The following ZSCAN25 variants were observed in gnomAD, a reference collection of about 807,000 sequenced individuals.
ZSCAN25 encodes the protein zinc finger and SCAN domain containing 25.
In ZSCAN25, 27 loss-of-function variants were observed where a neutral mutation model predicts 38.7. The ratio of observed to expected loss-of-function variants is 0.70; its 90% CI spans 0.51 to 0.96. The LOEUF is 0.96. ZSCAN25 is among the 40% of genes least tolerant of loss of function. ZSCAN25 has a pLI of 0.00. For missense variants in ZSCAN25, 637 were observed against 705.9 expected (o/e 0.90, Z 1.11); for synonymous variants, 273 against 277.7 (o/e 0.98, Z 0.17).
chr7:99,663,127 G>T, the ZSCAN25 span: 2 of 1,220,776 alleles, frequency 1.6e-6, no homozygotes, highest in South Asian at 2.0e-5. Context: ...TGCCCTCCCT[G>T]TTTCTCATCT....
At chr7:99,709,788 G>GTA in the ZSCAN25 span, among the ~76,000 whole-genome samples, 11 of 150,326 alleles carry the variant, frequency 7.3e-5, no homozygotes, top group East Asian at 5.8e-4. Flanking sequence ...GTGTGTGTGT[G>GTA]TATATATATA....
chr7:99,719,592 A>G, the ZSCAN25 span, among the ~76,000 whole-genome samples: 5 of 57,672 alleles, frequency 8.7e-5, no homozygotes, highest in African/African-American at 1.6e-4. Context: ...CAAAAGCACA[A>G]TCCATAAAAA....
At chr7:99,638,305 A>G in the ZSCAN25 span, 4 of 1,606,730 alleles carry the variant, frequency 2.5e-6, no homozygotes, top group Admixed American at 1.7e-5. Context: ...GAGGTGGCAC[A>G]GGAGGGCTGC....
chr7:99,708,129 T>C, the ZSCAN25 span, among the ~76,000 whole-genome samples: 16 of 152,366 alleles, frequency 1.1e-4, no homozygotes, highest in South Asian at 3.3e-3. Context: ...CATATTTTGC[T>C]ATGAGAATTG....
At chr7:99,708,257 G>A in the ZSCAN25 span, among the ~76,000 whole-genome samples, 1 of 152,148 alleles carries the variant, frequency 6.6e-6, no homozygotes, top group Non-Finnish European at 1.5e-5. Flanking sequence ...TAGTCAGGAT[G>A]GTGATGTGTT....
the ZSCAN25 span, chr7:99,638,752 A>G: frequency 1.1e-5 from 12 of 1,112,548 alleles, no homozygotes; most frequent in Non-Finnish European, 1.7e-5. Flanking sequence ...GATTTTGCAT[A>G]GCACTTTCCC....
the ZSCAN25 span, chr7:99,731,191 A>G: frequency 6.2e-7 from 1 of 1,611,824 alleles, no homozygotes; most frequent in Non-Finnish European, 8.5e-7. Flanking sequence ...AGGGATTGTG[A>G]CTTTATAGAT....
the ZSCAN25 span, chr7:99,650,285 T>G: frequency 6.4e-7 from 1 of 1,569,414 alleles, no homozygotes; most frequent in Non-Finnish European, 8.7e-7. Flanking sequence ...AACCACAGAG[T>G]TACATGTTAG....
intron 1 of ZSCAN25, among the ~76,000 whole-genome samples, chr7:99,617,488 G>A (rs1008231238): frequency 1.3e-5 from 2 of 152,220 alleles, no homozygotes; most frequent in African/African-American, 4.8e-5. Flanking sequence ...GGCTGAGGCA[G>A]GAGGATCGCC....
At chr7:99,696,259 A>G in the ZSCAN25 span, among the ~76,000 whole-genome samples, 1 of 148,804 alleles carries the variant, frequency 6.7e-6, no homozygotes, top group African/African-American at 2.5e-5. Context: ...TCTCTTCTGC[A>G]GTGATGATGA....
chr7:99,698,519 A>G, the ZSCAN25 span, among the ~76,000 whole-genome samples: 2 of 152,196 alleles, frequency 1.3e-5, no homozygotes, highest in Non-Finnish European at 2.9e-5. Context: ...ACAGTTTAAG[A>G]TAACCTGCTA....
chr7:99,710,795 C>T, the ZSCAN25 span: 11 of 1,613,680 alleles, frequency 6.8e-6, no homozygotes, highest in South Asian at 1.2e-4. Flanking sequence ...GGTGAGTGGC[C>T]AGTTCATATA....
chr7:99,695,855 G>C, the ZSCAN25 span: 1 of 1,609,424 alleles, frequency 6.2e-7, no homozygotes, highest in Non-Finnish European at 8.5e-7. Flanking sequence ...AACTGAATCA[G>C]AAATCAGGTC....
chr7:99,665,290 A>T, the ZSCAN25 span: 1 of 1,614,192 alleles, frequency 6.2e-7, no homozygotes. Flanking sequence ...CAGTAATCAC[A>T]TCCATGCTGT....
the ZSCAN25 span, among the ~76,000 whole-genome samples, chr7:99,697,092 A>G: frequency 6.6e-6 from 1 of 152,228 alleles, no homozygotes; most frequent in African/African-American, 2.4e-5. Flanking sequence ...AGCCTCAGGT[A>G]TTTCTTTACA....
chr7:99,726,168 G>C, the ZSCAN25 span, among the ~76,000 whole-genome samples: 1 of 151,882 alleles, frequency 6.6e-6, no homozygotes. Flanking sequence ...CACAGGTATG[G>C]GACACCTCTA....
At chr7:99,680,703 G>A in the ZSCAN25 span, among the ~76,000 whole-genome samples, 2 of 152,154 alleles carry the variant, frequency 1.3e-5, no homozygotes, top group South Asian at 4.1e-4. Context: ...TAGACTAATG[G>A]TTGCTTGGGA....
chr7:99,683,453 A>G, the ZSCAN25 span, among the ~76,000 whole-genome samples: 4 of 152,254 alleles, frequency 2.6e-5, no homozygotes, highest in Non-Finnish European at 5.9e-5. Context: ...ATGAATATAC[A>G]TGGATACATC....
At chr7:99,618,251 T>G (rs751327131) in intron 1 of ZSCAN25, 2 of 152,242 alleles carry the variant, frequency 1.3e-5, no homozygotes, top group Non-Finnish European at 2.9e-5. Flanking sequence ...AGCCTCTTCT[T>G]TTCCTTGAGT....
Sources: allele counts gnomAD v4.1 joint callset (sites outside exome capture counted in the v4.1 genomes callset), GRCh38; gene constraint gnomAD v4.1.1; transcripts MANE v1.5; gene names NCBI Gene and HGNC (gene_info 2026-07-23, HGNC 2026-07-21).